HTT: variants seen among roughly 807,000 people sequenced by gnomAD.
The protein encoded by HTT is huntington disease protein.
HTT carries 104 observed loss-of-function variants against 362.3 expected under a neutral mutation model. That is an observed-to-expected ratio of 0.29 (90% CI 0.24 to 0.34). The LOEUF (loss-of-function observed/expected upper bound fraction) is 0.34. HTT is among the 10% of genes least tolerant of loss of function. HTT has a pLI of 1.00. For missense variants in HTT, 3,301 were observed against 3,928.6 expected (o/e 0.84, Z 4.27); for synonymous variants, 1,577 against 1,548.7 (o/e 1.02, Z -0.43).
chr4:3,188,164 T>TG (rs764727146), intron 39 of HTT: 3 of 298,726 alleles, frequency 1.0e-5, no homozygotes, highest in Middle Eastern at 9.3e-4. Context: ...GTGGCTGTCC[T>TG]GGGGGCAGGC....
rs527729099 is a variant in HTT, at chr4:3,145,193, C to T, written c.3108C>T (p.Phe1036=). The part of the protein sequence containing the change: ...CEALCLLSTA[F]PVCIWSLGWH... Reference sequence around the variant, plus strand: ...CTTTGTGTCTTCTTTCCACTGCCTTCCCAGTTTGCATTTGGAGTTTAGGTT... The same window carrying T: ...CTTTGTGTCTTCTTTCCACTGCCTTTCCAGTTTGCATTTGGAGTTTAGGTT... The change falls in exon 24 of 67, where the codon TTC becomes TTT. Residue 1036 remains phenylalanine, a synonymous_variant. Transcript: ENST00000355072. 2 of 1,613,840 alleles carry T rather than the reference C, an allele frequency of 1.2e-6. No individual in the cohort carries two copies. Among genetic ancestry groups the T allele is most frequent in the East Asian group, 2.2e-5 (1 of 44,880 alleles).
chr4:3,182,436 C>G lies in HTT; in HGVS notation c.4832C>G (p.Ala1611Gly), dbSNP rs1351547277. The G allele has an allele frequency of 5.0e-6, 8 of 1,613,794 alleles. No individual in the cohort carries two copies. The South Asian group carries it at 8.8e-5, about 18-fold the overall frequency. Residue 1611 changes from alanine to glycine, a missense_variant, in exon 37 of 67, where the codon GCT becomes GGT. Physicochemically the swap from Ala to Gly is moderately conservative, Grantham distance 60. Coordinates refer to ENST00000355072, the MANE Select transcript of HTT (RefSeq NM_001388492.1). ...DKWKRLSRQI[A>G]DIILPMLAKQ... ...TGGAAGCGACTGTCTCGACAGATAG[C>G]TGACATCATCCTCCCAATGTTAGCC...
intron 16 of HTT, 135 bp downstream of exon 16, chr4:3,131,910 T>G: frequency 2.1e-5 from 16 of 769,478 alleles, no homozygotes; most frequent in Non-Finnish European, 2.5e-5. Flanking sequence ...GTTGTAGCTC[T>G]TCAGAAAACA....
At chr4:3,137,610 A>T (rs1322295206) in intron 21 of HTT, among the ~76,000 whole-genome samples, 1 of 152,214 alleles carries the variant, frequency 6.6e-6, no homozygotes. Context: ...GAGGCAGGAG[A>T]ATCACTTGAA....
intron 65 of HTT, 87 bp from the exon 66 acceptor site, chr4:3,238,731 C>T (rs1448349492): frequency 4.7e-6 from 3 of 636,720 alleles, no homozygotes; most frequent in East Asian, 9.1e-5. Flanking sequence ...ATGCCTCTGG[C>T]CCCCACCCCA....
intron 55 of HTT, among the ~76,000 whole-genome samples, 165 bp from the exon 56 acceptor site, chr4:3,223,827 G>A (rs1720788020): frequency 6.6e-6 from 1 of 152,344 alleles, no homozygotes; most frequent in Non-Finnish European, 1.5e-5. Context: ...GCAACTAGTA[G>A]AACACCCACT....
chr4:3,122,017 A>T (rs897942798), intron 9 of HTT, among the ~76,000 whole-genome samples: 9 of 152,214 alleles, frequency 5.9e-5, no homozygotes, highest in African/African-American at 2.2e-4. Context: ...CAGTAGGGAA[A>T]ATAGTTCCAG....
rs1717189315 is a variant in HTT at position 3,157,114 on chromosome 4, A to G, written c.3668A>G (p.Lys1223Arg). Residue 1223 changes from lysine to arginine, a missense_variant, in exon 28 of 67, where the codon AAA becomes AGA. Transcript: ENST00000355072. ...SDTSGPVTTS[K>R]SSSLGSFYHL... ...ACCTCAGGTCCTGTTACAACAAGTAAATCCTCATCACTGGGGAGTTTCTAT... is the reference window on the plus strand; with the variant it reads ...ACCTCAGGTCCTGTTACAACAAGTAGATCCTCATCACTGGGGAGTTTCTAT... 1.2e-6 allele frequency: 2 copies of G among 1,613,130 alleles called. No homozygotes were observed. Among genetic ancestry groups the G allele is most frequent in the East Asian group, 4.5e-5 (2 of 44,864 alleles).
At chr4:3,192,969 A>G (rs1719077288) in intron 40 of HTT, among the ~76,000 whole-genome samples, 1 of 152,232 alleles carries the variant, frequency 6.6e-6, no homozygotes, top group Admixed American at 6.5e-5. Context: ...AAGTCTTGAT[A>G]TTTCCTATGA....
intron 9 of HTT, among the ~76,000 whole-genome samples, chr4:3,122,347 A>ACGTGGT (rs1715334461): frequency 6.6e-6 from 1 of 152,226 alleles, no homozygotes; most frequent in Non-Finnish European, 1.5e-5. Context: ...AGCCACTGCA[A>ACGTGGT]CGTGGTCGGT....
chr4:3,139,684 G>A (rs765558361), intron 21 of HTT, among the ~76,000 whole-genome samples: 3 of 152,130 alleles, frequency 2.0e-5, no homozygotes, highest in Non-Finnish European at 4.4e-5. Flanking sequence ...AATGTTACCC[G>A]TATTCTCCAT....
chr4:3,159,348 C>T (rs553178346), intron 28 of HTT, among the ~76,000 whole-genome samples: 2 of 152,234 alleles, frequency 1.3e-5, no homozygotes, highest in Non-Finnish European at 2.9e-5. Flanking sequence ...GAATTCCATG[C>T]CTTCTTTTCC....
intron 2 of HTT, among the ~76,000 whole-genome samples, chr4:3,095,617 G>C (rs1490368245): frequency 2.6e-5 from 4 of 152,144 alleles, no homozygotes; most frequent in South Asian, 4.1e-4. Flanking sequence ...TTTTTTGTTT[G>C]TTTGTTTCTT....
intron 5 of HTT, among the ~76,000 whole-genome samples, chr4:3,107,051 T>C (rs1021639512): frequency 7.9e-5 from 12 of 152,252 alleles, no homozygotes; most frequent in African/African-American, 2.9e-4. Context: ...TTACTGCAAA[T>C]AATTTTTAAA....
Position 3,121,290 on chromosome 4 carries a change from G to A in HTT, c.1131G>A (p.Leu377=), listed in dbSNP as rs1034334111. Residue 377 remains leucine, a synonymous_variant, in exon 9 of 67, where the codon CTG becomes CTA. Coordinates refer to ENST00000355072, the MANE Select transcript of HTT (RefSeq NM_001388492.1). ...HQDHNVVTGA[L]ELLQQLFRTP... Reference sequence around the variant, plus strand: ...ACCACAATGTTGTGACCGGAGCCCTGGAGCTGTTGCAGCAGCTCTTCAGAA... The same window carrying A: ...ACCACAATGTTGTGACCGGAGCCCTAGAGCTGTTGCAGCAGCTCTTCAGAA... 12 of 1,613,974 alleles carry A rather than the reference G, an allele frequency of 7.4e-6. No individual in the cohort carries two copies. The East Asian group carries it at 2.7e-4, about 36-fold the overall frequency.
chr4:3,108,918 T>C (rs958953405), intron 6 of HTT, among the ~76,000 whole-genome samples: 4 of 152,026 alleles, frequency 2.6e-5, no homozygotes, highest in African/African-American at 7.2e-5. Context: ...CATGATGGCA[T>C]GTGCCTGTGG....
intron 41 of HTT, 77 bp from the exon 42 acceptor site, chr4:3,203,924 TTAAACA>T (rs1398672365): frequency 2.4e-5 from 32 of 1,358,136 alleles, no homozygotes; most frequent in Admixed American, 3.6e-5. Context: ...AGAACTAGAA[TTAAACA>T]TAATCATCTT....
intron 31 of HTT, among the ~76,000 whole-genome samples, chr4:3,173,707 C>T (rs1273471016): frequency 3.4e-5 from 5 of 148,970 alleles, no homozygotes; most frequent in East Asian, 2.0e-4. Context: ...CTTGCTCTGT[C>T]GCCCAGGCTG....
rs548909968 is a variant in HTT, at chr4:3,150,147, C to G, written c.3498+1940C>G. The stretch of plus-strand genomic sequence containing the variant: ...AGGCCGTCTTCTCTCTTTGTAGTCT[C>G]TGGGCCAGTGCTGTTCTAGAGAGTG... On this transcript the variant is annotated intron_variant, in intron 26 of 66. Coordinates refer to ENST00000355072, the MANE Select transcript of HTT (RefSeq NM_001388492.1). 1.9e-4 allele frequency among the ~76,000 whole-genome samples: 29 copies of G among 152,300 alleles called. 1 individual carries two copies. Among genetic ancestry groups the G allele is most frequent in the African/African-American group, 6.5e-4 (27 of 41,562 alleles).
Sources: gnomAD v4.1 joint callset for allele counts (sites outside exome capture counted in the v4.1 genomes callset) on GRCh38, gnomAD v4.1.1 for gene constraint, MANE v1.5 for transcripts, NCBI Gene and HGNC (gene_info 2026-07-23, HGNC 2026-07-21) for gene names.